MYO10: variants seen among roughly 807,000 people sequenced by gnomAD.
MYO10 encodes myosin X.
A neutral mutation model predicts 257.3 loss-of-function variants in MYO10; 133 were observed. That is an observed-to-expected ratio of 0.52 (90% CI 0.45 to 0.60). MYO10 has a LOEUF of 0.60. Among genes scored for constraint, MYO10 ranks in the 20% least tolerant of loss-of-function variants. MYO10 has a pLI of 0.00. For synonymous variants in MYO10, 1,104 were observed against 1,028.6 expected (o/e 1.07, Z -1.40); for missense variants, 2,399 against 2,635.7 (o/e 0.91, Z 1.97).
chr5:16,698,497 C>G (rs944957880), intron 26 of MYO10, among the ~76,000 whole-genome samples: 2 of 152,142 alleles, frequency 1.3e-5, no homozygotes, highest in Admixed American at 6.5e-5. Context: ...AATGCAAATG[C>G]TCATCATGAA....
intron 17 of MYO10, among the ~76,000 whole-genome samples, chr5:16,760,197 A>T (rs939873152): frequency 7.3e-5 from 11 of 151,618 alleles, no homozygotes; most frequent in African/African-American, 2.4e-4. Flanking sequence ...CATGCCTGTA[A>T]TCCCAGCACT....
At chr5:16,903,808 G>T (rs1227474165) in intron 1 of MYO10, among the ~76,000 whole-genome samples, 2 of 152,180 alleles carry the variant, frequency 1.3e-5, no homozygotes, top group African/African-American at 4.8e-5. Flanking sequence ...GACATAAGAA[G>T]TGCACATAAA....
chr5:16,917,204 T>G (rs527904166), intron 1 of MYO10, among the ~76,000 whole-genome samples: 2 of 152,332 alleles, frequency 1.3e-5, no homozygotes, highest in African/African-American at 4.8e-5. Context: ...ATCAGATTAA[T>G]GCATCATTCA....
At position 16,670,993 on chromosome 5, in the gene MYO10, T is replaced by C. The variant is rs756165584; in HGVS notation, c.5431-15A>G. ...GCTTCGTGGGCCTGAAAGGAGACAG[T>C]CAACAGCTTTCCGGTCAACGCACTG... is the stretch of plus-strand genomic sequence containing the variant. On this transcript the variant is annotated splice_polypyrimidine_tract_variant and intron_variant, in intron 38 of 40. Coordinates refer to ENST00000513610, the MANE Select transcript of MYO10 (RefSeq NM_012334.3). 1 of 1,593,424 alleles carries C rather than the reference T, an allele frequency of 6.3e-7. No homozygotes were observed.
rs111867506 is a variant in MYO10, at chr5:16,679,792, T to C, written c.4542+155A>G. Among the ~76,000 whole-genome samples the C allele has an allele frequency of 9.9e-3, 1,495 of 150,540 alleles. 22 individuals are homozygous for C. Among genetic ancestry groups the C allele is most frequent in the African/African-American group, 0.035 (1,418 of 40,892 alleles). ...CACCTGCCTCAGCCTTCCAAAGTGC[T>C]GGAATTACAGGCGTGAGCCACCGTG... On this transcript the variant is annotated intron_variant, in intron 33 of 40. Coordinates refer to ENST00000513610, the MANE Select transcript of MYO10 (RefSeq NM_012334.3).
intron 21 of MYO10, among the ~76,000 whole-genome samples, chr5:16,709,260 G>A (rs1020629777): frequency 2.6e-5 from 4 of 152,170 alleles, no homozygotes; most frequent in Non-Finnish European, 4.4e-5. Context: ...CTACAGGAGT[G>A]GAGAGTAAGA....
At chr5:16,770,209 G>A (rs181937928) in intron 9 of MYO10, among the ~76,000 whole-genome samples, 1 of 152,192 alleles carries the variant, frequency 6.6e-6, no homozygotes, top group East Asian at 1.9e-4. Context: ...CAGCCTGGGA[G>A]CCTGGGTGAC....
chr5:16,760,982 A>ATTT (rs1553993464), intron 17 of MYO10, among the ~76,000 whole-genome samples: 1 of 138,106 alleles, frequency 7.2e-6, no homozygotes, highest in Non-Finnish European at 1.5e-5. Flanking sequence ...TATTATTATT[A>ATTT]ATTTATTTAT....
chr5:16,870,710 T>C (rs1174217897), intron 2 of MYO10, among the ~76,000 whole-genome samples: 1 of 152,044 alleles, frequency 6.6e-6, no homozygotes, highest in Non-Finnish European at 1.5e-5. Flanking sequence ...CCGACCAACA[T>C]GGAGAAAGCC....
chr5:16,742,002 G>A, intron 19 of MYO10: 1 of 985,390 alleles, frequency 1.0e-6, no homozygotes, highest in Non-Finnish European at 1.2e-6. Context: ...AGTCCAGCCT[G>A]GCGAGGCTGA....
At chr5:16,900,093 A>G (rs906969516) in intron 1 of MYO10, among the ~76,000 whole-genome samples, 3 of 152,116 alleles carry the variant, frequency 2.0e-5, no homozygotes, top group Non-Finnish European at 2.9e-5. Flanking sequence ...GAGAAGGAGG[A>G]AAAACACATC....
chr5:16,770,076 T>A (rs1263319226), intron 9 of MYO10, among the ~76,000 whole-genome samples: 2 of 151,942 alleles, frequency 1.3e-5, no homozygotes, highest in Non-Finnish European at 1.5e-5. Flanking sequence ...CCAAGAATTT[T>A]AAAAAATTAG....
Position 16,870,545 on chromosome 5 carries a change from C to T in MYO10, c.120+7064G>A, listed in dbSNP as rs946331963. Among the ~76,000 whole-genome samples the T allele has an allele frequency of 1.3e-4, 20 of 151,276 alleles. 1 individual carries two copies. In the East Asian group the frequency reaches 1.6e-3, roughly 12 times the overall value. ...ACCACTCTAAATCAAAGGAAAATTA[C>T]ACTAATAGTTTTGTAAACTCTTTGT... On this transcript the variant is annotated intron_variant, in intron 2 of 40. Coordinates refer to ENST00000513610, the MANE Select transcript of MYO10 (RefSeq NM_012334.3).
In MYO10 at chr5:16,666,556, C is replaced by T. The variant is rs921937442; in HGVS notation, c.*136G>A. On this transcript the variant is annotated 3_prime_UTR_variant, in exon 41 of 41. Coordinates refer to ENST00000513610, the MANE Select transcript of MYO10 (RefSeq NM_012334.3). Reference sequence around the variant, plus strand: ...GCAGGCAAAAGGATCCTCGGAGACACCTCCCTCAGACCAGAAGCTTCCAGA... The same window carrying T: ...GCAGGCAAAAGGATCCTCGGAGACATCTCCCTCAGACCAGAAGCTTCCAGA... 3 of 666,844 alleles carry T rather than the reference C, an allele frequency of 4.5e-6. No homozygotes were observed. Among genetic ancestry groups the T allele is most frequent in the Admixed American group, 3.0e-5 (1 of 33,208 alleles). 41.3% of individuals were successfully genotyped at this position (666,844 alleles called of 1,614,324 possible).
At chr5:16,863,786 T>C (rs1179555688) in intron 2 of MYO10, among the ~76,000 whole-genome samples, 1 of 152,172 alleles carries the variant, frequency 6.6e-6, no homozygotes. Context: ...GTTTACACAC[T>C]ACCAGAGTAG....
intron 1 of MYO10, among the ~76,000 whole-genome samples, chr5:16,927,402 G>A (rs969119660): frequency 7.2e-5 from 11 of 152,184 alleles, no homozygotes; most frequent in African/African-American, 2.2e-4. Flanking sequence ...TCGGCTCACT[G>A]GAAGCTCCGC....
At chr5:16,838,552 A>G (rs1050294755) in intron 2 of MYO10, among the ~76,000 whole-genome samples, 8 of 152,208 alleles carry the variant, frequency 5.3e-5, no homozygotes, top group Admixed American at 1.3e-4. Context: ...CCACAACACA[A>G]AAGAGCAAGG....
chr5:16,874,546 G>A (rs1288636475), intron 2 of MYO10, among the ~76,000 whole-genome samples: 1 of 152,070 alleles, frequency 6.6e-6, no homozygotes, highest in Non-Finnish European at 1.5e-5. Flanking sequence ...TCTAAGGCAG[G>A]TGCAAAATGC....
chr5:16,922,389 T>A (rs1033703911), intron 1 of MYO10, among the ~76,000 whole-genome samples: 1 of 152,130 alleles, frequency 6.6e-6, no homozygotes, highest in Non-Finnish European at 1.5e-5. Flanking sequence ...CAGCTTGTGA[T>A]AGCAAAGTTT....
Sources: allele counts gnomAD v4.1 joint callset (sites outside exome capture counted in the v4.1 genomes callset), GRCh38; gene constraint gnomAD v4.1.1; transcripts MANE v1.5; gene names NCBI Gene and HGNC (gene_info 2026-07-23, HGNC 2026-07-21).